Variants in ROBO2 observed in about 807,000 individuals in gnomAD.
ROBO2 encodes the protein roundabout homolog 2.
In ROBO2, 53 loss-of-function variants were observed where a neutral mutation model predicts 160.8. The ratio of observed to expected loss-of-function variants is 0.33; its 90% confidence interval spans 0.26 to 0.41. The LOEUF (loss-of-function observed/expected upper bound fraction) is 0.41, where lower values mean the gene tolerates loss of function less well. ROBO2 is among the 10% of genes least tolerant of loss of function. The pLI is 1.00. For missense variants in ROBO2, 1,577 were observed against 1,722.4 expected (o/e 0.92, Z 1.49); for synonymous variants, 664 against 611.7 (o/e 1.09, Z -1.26).
intron 2 of ROBO2, among the ~76,000 whole-genome samples, chr3:77,184,396 T>C (rs1010136574): frequency 6.6e-6 from 1 of 151,950 alleles, no homozygotes; most frequent in Admixed American, 6.6e-5. Flanking sequence ...CTTTACATTA[T>C]GATAAAGGGA....
At chr3:76,974,867 T>C (rs1379628104) in intron 2 of ROBO2, among the ~76,000 whole-genome samples, 2 of 152,086 alleles carry the variant, frequency 1.3e-5, no homozygotes, top group Admixed American at 6.6e-5. Context: ...AAAGCAAAAG[T>C]AGTAAACAGC....
intron 2 of ROBO2, among the ~76,000 whole-genome samples, chr3:76,679,007 C>T (rs1047206206): frequency 2.6e-5 from 4 of 152,044 alleles, no homozygotes; most frequent in African/African-American, 4.8e-5. Flanking sequence ...TATCATAACA[C>T]CTCCACTCAT....
chr3:76,750,387 A>G (rs888180198), intron 2 of ROBO2, among the ~76,000 whole-genome samples: 4 of 152,134 alleles, frequency 2.6e-5, no homozygotes, highest in Non-Finnish European at 5.9e-5. Flanking sequence ...AAACTGGCAC[A>G]AGACAGGGAT....
intron 2 of ROBO2, among the ~76,000 whole-genome samples, chr3:77,190,950 A>G (rs4683981): frequency 0.26 from 39,752 of 152,008 alleles, 5,483 homozygotes; most frequent in African/African-American, 0.32. Flanking sequence ...AAAAAAATGC[A>G]TCACAGAAGT....
chr3:76,122,639 T>C (rs1186673031), intron 2 of ROBO2, among the ~76,000 whole-genome samples: 1 of 152,154 alleles, frequency 6.6e-6, no homozygotes, highest in Non-Finnish European at 1.5e-5. Flanking sequence ...TGAAGTTTAT[T>C]AGTTATGTTA....
chr3:77,157,067 G>A (rs1206866215), intron 2 of ROBO2, among the ~76,000 whole-genome samples: 1 of 152,004 alleles, frequency 6.6e-6, no homozygotes, highest in Non-Finnish European at 1.5e-5. Flanking sequence ...TCAATGATGA[G>A]TCTGCACATT....
chr3:75,955,555 G>A (rs1948691423), intron 2 of ROBO2, among the ~76,000 whole-genome samples: 1 of 151,480 alleles, frequency 6.6e-6, no homozygotes, highest in Admixed American at 6.6e-5. Context: ...AATGGGTGCA[G>A]CACACCAACA....
At chr3:77,411,464 G>T (rs907057986) in intron 2 of ROBO2, among the ~76,000 whole-genome samples, 1 of 152,164 alleles carries the variant, frequency 6.6e-6, no homozygotes, top group Non-Finnish European at 1.5e-5. Context: ...AATCGTGAAA[G>T]ATTTCAACCT....
At chr3:76,142,251 G>A (rs2071699254) in intron 2 of ROBO2, among the ~76,000 whole-genome samples, 2 of 152,004 alleles carry the variant, frequency 1.3e-5, no homozygotes, top group South Asian at 2.1e-4. Context: ...ATGGAGAACA[G>A]TATGGAGGTT....
chr3:77,095,604 G>T (rs1376624490), intron 1 of ROBO2, among the ~76,000 whole-genome samples: 14 of 152,106 alleles, frequency 9.2e-5, no homozygotes, highest in Non-Finnish European at 1.9e-4. Flanking sequence ...CTAAACAGAT[G>T]ATTGTAACCT....
chr3:76,397,136 A>G (rs776431093), intron 2 of ROBO2, among the ~76,000 whole-genome samples: 58 of 152,188 alleles, frequency 3.8e-4, no homozygotes, highest in Non-Finnish European at 6.8e-4. Flanking sequence ...ATATAGATCA[A>G]TGGAACAGAA....
At position 77,352,027 on chromosome 3, in the gene ROBO2, A is replaced by G. The variant is rs531122801; in HGVS notation, c.389-125387A>G. ...ACGAGTTAATGGGTGCAGCACATCA[A>G]CATGGAACATGCATACATATGTAAC... On this transcript the variant is annotated intron_variant, in intron 2 of 25. Transcript: ENST00000461745. Among the ~76,000 whole-genome samples the G allele has an allele frequency of 1.3e-4, 20 of 151,794 alleles. 1 individual carries two copies. Among genetic ancestry groups the G allele is most frequent in the African/African-American group, 4.6e-4 (19 of 41,422 alleles).
chr3:76,024,371 AT>A (rs36023414), intron 2 of ROBO2, among the ~76,000 whole-genome samples: 117,797 of 149,548 alleles, frequency 0.79, 46,968 homozygotes, highest in East Asian at 0.94. Flanking sequence ...TTTAGAACTT[AT>A]TTTTTTTTTT....
chr3:77,255,396 T>C (rs2090811539), intron 2 of ROBO2, among the ~76,000 whole-genome samples: 1 of 152,224 alleles, frequency 6.6e-6, no homozygotes, highest in Non-Finnish European at 1.5e-5. Context: ...CCCCATTCTT[T>C]GGAGTTGCTA....
intron 2 of ROBO2, among the ~76,000 whole-genome samples, chr3:76,957,478 A>G (rs756001968): frequency 6.6e-6 from 1 of 152,114 alleles, no homozygotes; most frequent in Admixed American, 6.5e-5. Flanking sequence ...CAATAGTATT[A>G]ATAGCTAATG....
intron 2 of ROBO2, among the ~76,000 whole-genome samples, chr3:76,832,626 T>C (rs1461047798): frequency 1.3e-5 from 2 of 151,974 alleles, no homozygotes; most frequent in Non-Finnish European, 2.9e-5. Context: ...GTGGTATAAT[T>C]TAGATAAGTA....
intron 2 of ROBO2, among the ~76,000 whole-genome samples, chr3:76,503,359 A>C (rs558262387): frequency 1.3e-5 from 2 of 152,306 alleles, no homozygotes; most frequent in South Asian, 4.1e-4. Context: ...ACCCACACTG[A>C]AACACCCAGA....
chr3:76,970,988 A>T (rs776024936), intron 2 of ROBO2, among the ~76,000 whole-genome samples: 2 of 152,194 alleles, frequency 1.3e-5, no homozygotes, highest in Non-Finnish European at 2.9e-5. Flanking sequence ...TTAATATTAC[A>T]TATTTAGCCT....
At chr3:77,262,737 T>C (rs564650944) in intron 2 of ROBO2, among the ~76,000 whole-genome samples, 16 of 152,238 alleles carry the variant, frequency 1.1e-4, no homozygotes, top group Admixed American at 4.6e-4. Context: ...TATGTTAAAT[T>C]TGGTCATTTA....
Sources: allele counts gnomAD v4.1 joint callset (sites outside exome capture counted in the v4.1 genomes callset), GRCh38; gene constraint gnomAD v4.1.1; transcripts MANE v1.5; gene names NCBI Gene and HGNC (gene_info 2026-07-23, HGNC 2026-07-21).